The following FUT9 variants were observed in gnomAD, a reference collection of about 807,000 sequenced individuals.
FUT9 encodes 4-galactosyl-N-acetylglucosaminide 3-alpha-L-fucosyltransferase 9.
A neutral mutation model predicts 29.7 loss-of-function variants in FUT9; 15 were observed. The ratio of observed to expected loss-of-function variants is 0.51; its 90% CI spans 0.34 to 0.78. The LOEUF (loss-of-function observed/expected upper bound fraction) is 0.78. Among genes scored for constraint, FUT9 ranks in the 30% least tolerant of loss-of-function variants. The pLI, the probability that FUT9 is intolerant of heterozygous loss-of-function variation, is 0.01. For missense variants in FUT9, 319 were observed against 425.4 expected, an observed-to-expected ratio of 0.75 and a Z score of 2.20; for synonymous variants, 169 against 153.7, an observed-to-expected ratio of 1.10 and a Z score of -0.74.
At chr6:96,149,865 C>G (rs1000776383) in intron 2 of FUT9, among the ~76,000 whole-genome samples, 1 of 152,068 alleles carries the variant, frequency 6.6e-6, no homozygotes, top group East Asian at 1.9e-4. Context: ...CAATTCCACT[C>G]TTTTAGTTAT....
At position 96,032,643 on chromosome 6, in the gene FUT9, G is replaced by A. The variant is rs186385687; in HGVS notation, c.-98+16431G>A. ...ATGTTAAGAATACCTGCAGTAGGGG[G>A]AAATTTAATACTATTGTCTTTACGT... On this transcript the variant is annotated intron_variant, in intron 1 of 2. Coordinates refer to ENST00000302103, the MANE Select transcript of FUT9 (RefSeq NM_006581.4). 5.7e-3 allele frequency among the ~76,000 whole-genome samples: 860 copies of A among 151,614 alleles called. 5 individuals are homozygous for A. Among genetic ancestry groups the A allele is most frequent in the Non-Finnish European group, 9.2e-3 (623 of 67,686 alleles).
chr6:96,053,853 T>A (rs1047395386), intron 1 of FUT9, among the ~76,000 whole-genome samples: 37 of 152,176 alleles, frequency 2.4e-4, no homozygotes, highest in Admixed American at 2.3e-3. Context: ...GCTAAACTAG[T>A]CAGATAAATT....
intron 1 of FUT9, among the ~76,000 whole-genome samples, chr6:96,081,194 T>C (rs1771231538): frequency 6.6e-6 from 1 of 151,908 alleles, no homozygotes; most frequent in South Asian, 2.1e-4. Context: ...TTTAACATCA[T>C]AAATAAAACA....
chr6:96,026,589 CATA>C lies in FUT9; in HGVS notation c.-98+10381_-98+10383del, dbSNP rs145875154. On this transcript the variant is annotated intron_variant, in intron 1 of 2. Transcript: ENST00000302103. ...TGTGTTATTACATATTTCCCATGGC[CATA>C]ATATTTCTCCAATGCTTTATAGTTT... is the stretch of plus-strand genomic sequence containing the variant. Among the ~76,000 whole-genome samples, 174 of 151,688 alleles carry C rather than the reference CATA, an allele frequency of 1.1e-3. 1 individual carries two copies. The East Asian group carries it at 0.031, about 27-fold the overall frequency.
chr6:96,061,153 A>G (rs960247680), intron 1 of FUT9, among the ~76,000 whole-genome samples: 1 of 150,970 alleles, frequency 6.6e-6, no homozygotes, highest in East Asian at 2.0e-4. Context: ...TCATTTTAGG[A>G]TCTTCCTATT....
intron 2 of FUT9, among the ~76,000 whole-genome samples, chr6:96,115,351 TCTCA>T (rs1020501222): frequency 1.3e-5 from 2 of 152,218 alleles, no homozygotes; most frequent in African/African-American, 2.4e-5. Context: ...ATTCTTTTTT[TCTCA>T]CTAAGTCCTT....
intron 1 of FUT9, among the ~76,000 whole-genome samples, chr6:96,077,013 A>G (rs959648251): frequency 2.6e-5 from 4 of 152,166 alleles, no homozygotes; most frequent in Non-Finnish European, 5.9e-5. Flanking sequence ...TATATAATAC[A>G]AAAAGTCTAG....
chr6:96,190,153 C>G (rs1420545172), intron 2 of FUT9, among the ~76,000 whole-genome samples: 1 of 152,092 alleles, frequency 6.6e-6, no homozygotes, highest in Non-Finnish European at 1.5e-5. Context: ...TTTTATTTCT[C>G]CTTCACTTAT....
chr6:96,083,934 G>C (rs947065473), intron 1 of FUT9, among the ~76,000 whole-genome samples: 1 of 151,874 alleles, frequency 6.6e-6, no homozygotes, highest in African/African-American at 2.4e-5. Context: ...TCTTCCTTGT[G>C]TCAAGCATAG....
intron 1 of FUT9, among the ~76,000 whole-genome samples, chr6:96,092,965 G>A (rs1483527224): frequency 1.3e-5 from 2 of 151,962 alleles, no homozygotes; most frequent in East Asian, 3.9e-4. Context: ...ACAGAGTCTT[G>A]CTATGTTTCC....
At chr6:96,094,896 A>G (rs1487427422) in intron 1 of FUT9, among the ~76,000 whole-genome samples, 2 of 152,190 alleles carry the variant, frequency 1.3e-5, no homozygotes, top group East Asian at 1.9e-4. Flanking sequence ...GTTTGGTTAC[A>G]TGAATAAATT....
Position 96,214,838 on chromosome 6 carries a change from A to C in FUT9, c.*10603A>C, listed in dbSNP as rs1207609090. ...TATTTATACATTTATTTATTTATTTATTTACAGAAGATTGGTTCCTTCCAG... is the reference window on the plus strand; with the variant it reads ...TATTTATACATTTATTTATTTATTTCTTTACAGAAGATTGGTTCCTTCCAG... On this transcript the variant is annotated 3_prime_UTR_variant, in exon 3 of 3. Transcript: ENST00000302103. The C allele has an allele frequency of 6.0e-6, 1 of 166,918 alleles. No homozygotes were observed. Among genetic ancestry groups the C allele is most frequent in the African/African-American group, 2.4e-5 (1 of 41,406 alleles). 10.3% of individuals were successfully genotyped at this position (166,918 alleles called of 1,614,324 possible).
chr6:96,129,455 CA>C (rs1772201965), intron 2 of FUT9, among the ~76,000 whole-genome samples: 1 of 151,186 alleles, frequency 6.6e-6, no homozygotes, highest in Admixed American at 6.6e-5. Flanking sequence ...GACCCTGTCT[CA>C]AAAAATAAAA....
chr6:96,198,644 G>A (rs931790112), intron 2 of FUT9, among the ~76,000 whole-genome samples: 41 of 152,244 alleles, frequency 2.7e-4, no homozygotes, highest in African/African-American at 9.9e-4. Flanking sequence ...GTAATGCGAT[G>A]GCTGGGTCAA....
At chr6:96,027,445 C>T (rs1770187562) in intron 1 of FUT9, among the ~76,000 whole-genome samples, 1 of 151,376 alleles carries the variant, frequency 6.6e-6, no homozygotes, top group African/African-American at 2.4e-5. Context: ...TAGTTTTTTT[C>T]TCTCTCTCTT....
intron 2 of FUT9, among the ~76,000 whole-genome samples, chr6:96,120,274 T>C (rs1316421842): frequency 3.5e-4 from 49 of 139,100 alleles, no homozygotes; most frequent in Admixed American, 7.2e-4. Flanking sequence ...TCTTTCTTTT[T>C]TTTTTTTTTT....
intron 2 of FUT9, among the ~76,000 whole-genome samples, chr6:96,126,901 A>C (rs1327839424): frequency 6.6e-6 from 1 of 152,226 alleles, no homozygotes; most frequent in Non-Finnish European, 1.5e-5. Flanking sequence ...ATATTAAATA[A>C]TTGAGCAGAA....
chr6:96,075,379 C>T (rs1012913552), intron 1 of FUT9, among the ~76,000 whole-genome samples: 2 of 152,022 alleles, frequency 1.3e-5, no homozygotes, highest in African/African-American at 4.8e-5. Context: ...CCATGGAATC[C>T]TAAATTTTAA....
intron 2 of FUT9, among the ~76,000 whole-genome samples, chr6:96,139,389 T>C (rs1304607743): frequency 6.6e-6 from 1 of 152,196 alleles, no homozygotes; most frequent in Non-Finnish European, 1.5e-5. Flanking sequence ...TTTCATGCTC[T>C]GGTGTTGAGT....
Sources: allele counts gnomAD v4.1 joint callset (sites outside exome capture counted in the v4.1 genomes callset), GRCh38; gene constraint gnomAD v4.1.1; transcripts MANE v1.5; gene names NCBI Gene and HGNC (gene_info 2026-07-23, HGNC 2026-07-21).